UBLCP1: variants seen among roughly 807,000 people sequenced by gnomAD.
UBLCP1 encodes ubiquitin-like domain-containing CTD phosphatase 1.
In UBLCP1, 28 loss-of-function variants were observed where a neutral mutation model predicts 42.4. The observed-to-expected ratio is 0.66, with a 90% CI of 0.49 to 0.90. The LOEUF (loss-of-function observed/expected upper bound fraction) is 0.90, where lower values mean the gene tolerates loss of function less well. UBLCP1 is among the 40% of genes least tolerant of loss of function. The pLI is 0.00. For synonymous variants in UBLCP1, 122 were observed against 120.8 expected, an observed-to-expected ratio of 1.01 and a Z score of -0.07; for missense variants, 279 against 374.5, an observed-to-expected ratio of 0.75 and a Z score of 2.10.
intron 6 of UBLCP1, among the ~76,000 whole-genome samples, chr5:159,274,162 G>C (rs1475415266): frequency 6.6e-6 from 1 of 152,062 alleles, no homozygotes; most frequent in African/African-American, 2.4e-5. Flanking sequence ...ATAAACTTTT[G>C]ACACATAACA....
intron 10 of UBLCP1, 91 bp downstream of exon 10, chr5:159,283,430 T>C (rs1753631090): frequency 9.2e-7 from 1 of 1,081,568 alleles, no homozygotes; most frequent in African/African-American, 1.6e-5. Flanking sequence ...TATATAGCTG[T>C]CTTAATTTTT....
Position 159,269,904 on chromosome 5 carries a change from G to T in UBLCP1, c.155-4G>T. ...GAGAAAACAGTCATTTGCTTGTATTGTAGGCAAACCTGCAGAAAATGATGT... is the reference window on the plus strand; with the variant it reads ...GAGAAAACAGTCATTTGCTTGTATTTTAGGCAAACCTGCAGAAAATGATGT... On this transcript the variant is annotated splice_region_variant and splice_polypyrimidine_tract_variant and intron_variant, in intron 2 of 10. Transcript: ENST00000296786. 4 of 1,611,286 alleles carry T rather than the reference G, an allele frequency of 2.5e-6. No homozygotes were observed. Among genetic ancestry groups the T allele is most frequent in the Middle Eastern group, 1.7e-4 (1 of 6,048 alleles).
intron 9 of UBLCP1, among the ~76,000 whole-genome samples, chr5:159,281,909 A>C (rs1261037927): frequency 6.6e-6 from 1 of 152,158 alleles, no homozygotes; most frequent in Non-Finnish European, 1.5e-5. Context: ...CCAAATCAAA[A>C]GAATATACTA....
intron 5 of UBLCP1, among the ~76,000 whole-genome samples, chr5:159,271,448 C>A (rs891630252): frequency 1.3e-5 from 2 of 151,852 alleles, no homozygotes; most frequent in African/African-American, 4.8e-5. Flanking sequence ...CAGAGTAAGA[C>A]CCTGTCTCAA....
chr5:159,270,704 C>G (rs62378743), intron 5 of UBLCP1, 61 bp downstream of exon 5: 2 of 1,019,720 alleles, frequency 2.0e-6, no homozygotes, highest in Non-Finnish European at 2.7e-6. Flanking sequence ...TTTTTCTTTT[C>G]TTTGTTTTTT....
chr5:159,277,550 A>G (rs944831559), intron 8 of UBLCP1, among the ~76,000 whole-genome samples: 4 of 152,224 alleles, frequency 2.6e-5, no homozygotes, highest in Non-Finnish European at 5.9e-5. Flanking sequence ...TTCACCTGGT[A>G]CCTAGCCACA....
At chr5:159,274,703 T>C in intron 7 of UBLCP1, 81 bp downstream of exon 7, 1 of 1,305,880 alleles carries the variant, frequency 7.7e-7, no homozygotes, top group East Asian at 2.4e-5. Flanking sequence ...TGAATTAATT[T>C]TATTCTTACT....
Position 159,278,300 on chromosome 5 carries a change from T to C in UBLCP1, c.747T>C (p.Ile249=). The C allele has an allele frequency of 6.2e-7, 1 of 1,613,980 alleles. No individual in the cohort carries two copies. The highest frequency in any genetic ancestry group is 1.3e-5 in the African/African-American group (1 of 75,052). Reference sequence around the variant, plus strand: ...AGTTTTACAGCAAGAAAAACACCATTATGTTTGATGACATAGGGAGAAATT... The same window carrying C: ...AGTTTTACAGCAAGAAAAACACCATCATGTTTGATGACATAGGGAGAAATT... ...FSEFYSKKNT[I]MFDDIGRNFL... is the part of the protein sequence containing the mutation. The change falls in exon 9 of 11, where the codon ATT becomes ATC. Residue 249 remains isoleucine (I), a synonymous_variant. Coordinates refer to ENST00000296786, the MANE Select transcript of UBLCP1 (RefSeq NM_145049.5).
intron 6 of UBLCP1, among the ~76,000 whole-genome samples, chr5:159,273,834 TCACACA>T (rs34999232): frequency 0.11 from 15,687 of 148,422 alleles, 826 homozygotes; most frequent in Middle Eastern, 0.17. Flanking sequence ...CTTTTAAAAA[TCACACA>T]CACACACACA....
In UBLCP1 at chr5:159,270,508, A is replaced by T; in HGVS notation, c.333-20A>T. ...GTGAGAACAAGTGAATATTTTATCT[A>T]ATTATATGTTTTCCATTAGGGAAGA... On this transcript the variant is annotated intron_variant, in intron 4 of 10. Coordinates refer to ENST00000296786, the MANE Select transcript of UBLCP1 (RefSeq NM_145049.5). 6 of 1,605,490 alleles carry T rather than the reference A, an allele frequency of 3.7e-6. No homozygotes were observed. The highest frequency in any genetic ancestry group is 5.1e-6 in the Non-Finnish European group (6 of 1,174,830).
rs116976884 is a variant in UBLCP1 at position 159,265,225 on chromosome 5, G to A, written c.-47+1865G>A. Among the ~76,000 whole-genome samples the A allele has an allele frequency of 1.7e-3, 255 of 152,234 alleles. 6 individuals are homozygous for A. The East Asian group carries it at 0.045, about 27-fold the overall frequency. On this transcript the variant is annotated intron_variant, in intron 1 of 10. Coordinates refer to ENST00000296786, the MANE Select transcript of UBLCP1 (RefSeq NM_145049.5). Reference sequence around the variant, plus strand: ...AATTGGCCTTTTAGTAGGAGACACTGTTTTTAAATTATTTTTGGAAGTGGA... The same window carrying A: ...AATTGGCCTTTTAGTAGGAGACACTATTTTTAAATTATTTTTGGAAGTGGA...
intron 6 of UBLCP1, among the ~76,000 whole-genome samples, chr5:159,273,345 A>G (rs1196640859): frequency 1.3e-5 from 2 of 152,178 alleles, no homozygotes; most frequent in Non-Finnish European, 2.9e-5. Flanking sequence ...TTATTTTTAT[A>G]AACTGTGATA....
intron 6 of UBLCP1, among the ~76,000 whole-genome samples, chr5:159,273,834 TCACACACACACACACACACA>T (rs34999232): frequency 6.7e-6 from 1 of 148,574 alleles, no homozygotes; most frequent in African/African-American, 2.5e-5. Context: ...CTTTTAAAAA[TCACACACACACACACACACA>T]CACACACACA....
Position 159,285,146 on chromosome 5 carries a change from C to A in UBLCP1, c.*215C>A. The A allele has an allele frequency of 2.1e-6, 1 of 485,216 alleles. No individual in the cohort carries two copies. The highest frequency in any genetic ancestry group is 3.7e-5 in the East Asian group (1 of 26,778). The allele number at this position is 485,216 out of a possible 1,614,324, so 30.1% of individuals were successfully genotyped here. A position where few individuals can be genotyped will look rare whatever the true frequency, so the allele number is the denominator to read the frequency against. Reference sequence around the variant, plus strand: ...TCCCCTATATGAATATTCTGTTACGCTTGAAAAATATTTTCTCCAGCGTTG... The same window carrying A: ...TCCCCTATATGAATATTCTGTTACGATTGAAAAATATTTTCTCCAGCGTTG... On this transcript the variant is annotated 3_prime_UTR_variant, in exon 11 of 11. Transcript: ENST00000296786.
intron 8 of UBLCP1, among the ~76,000 whole-genome samples, chr5:159,275,733 TA>T (rs1204255023): frequency 6.6e-6 from 1 of 152,196 alleles, no homozygotes; most frequent in Non-Finnish European, 1.5e-5. Context: ...ATTTGAATTT[TA>T]ATGATAAAAT....
intron 4 of UBLCP1, 40 bp downstream of exon 4, chr5:159,270,485 G>C: frequency 6.2e-7 from 1 of 1,604,198 alleles, no homozygotes; most frequent in South Asian, 1.1e-5. Flanking sequence ...GTTGTCATGT[G>C]AGAACAAGTG....
At chr5:159,265,436 A>G (rs1172204663) in intron 1 of UBLCP1, among the ~76,000 whole-genome samples, 1 of 152,208 alleles carries the variant, frequency 6.6e-6, no homozygotes, top group African/African-American at 2.4e-5. Context: ...AGGAAGAGAC[A>G]TATGTTTGGT....
rs1753674868 is a variant in UBLCP1 at position 159,285,976 on chromosome 5, T to C, written c.*1045T>C. ...AATTGATCCTTTTAAAGAAACATGG[T>C]GTATATTGTTCTTACAGGACTAATT... is the stretch of plus-strand genomic sequence containing the variant. On this transcript the variant is annotated 3_prime_UTR_variant, in exon 11 of 11. Transcript: ENST00000296786. 6.5e-6 allele frequency: 1 copy of C among 152,902 alleles called. No homozygotes were observed. Among genetic ancestry groups the C allele is most frequent in the Admixed American group, 6.5e-5 (1 of 15,300 alleles). The allele number at this position is 152,902 out of a possible 1,614,324, so 9.5% of individuals were successfully genotyped here. A position where few individuals can be genotyped will look rare whatever the true frequency, so the allele number is the denominator to read the frequency against.
chr5:159,285,651 G>A lies in UBLCP1; in HGVS notation c.*720G>A, dbSNP rs562974471. On this transcript the variant is annotated 3_prime_UTR_variant, in exon 11 of 11. Transcript: ENST00000296786. ...CTGAAGAATAAAAACTAAGGAACAA[G>A]AATGAGTCTCTTTTTGGTGGCTAAG... The A allele has an allele frequency of 5.2e-5, 8 of 152,392 alleles. No individual in the cohort carries two copies. The highest frequency in any genetic ancestry group is 1.9e-4 in the African/African-American group (8 of 41,558). 9.4% of individuals were successfully genotyped at this position (152,392 alleles called of 1,614,324 possible). A position where few individuals can be genotyped will look rare whatever the true frequency, so the allele number is the denominator to read the frequency against.
Sources: allele counts gnomAD v4.1 joint callset (sites outside exome capture counted in the v4.1 genomes callset), GRCh38; gene constraint gnomAD v4.1.1; transcripts MANE v1.5; gene names NCBI Gene and HGNC (gene_info 2026-07-23, HGNC 2026-07-21).